Variants in CD200 observed in about 807,000 individuals in gnomAD.
CD200 encodes the protein CD200 molecule.
In CD200, 15 loss-of-function variants were observed where a neutral mutation model predicts 30.9. The ratio of observed to expected loss-of-function variants is 0.49; its 90% CI spans 0.32 to 0.75. The LOEUF is 0.75. Among genes scored for constraint, CD200 ranks in the 30% least tolerant of loss-of-function variants. The pLI, the probability that CD200 is intolerant of heterozygous loss-of-function variation, is 0.03. For missense variants in CD200, 262 were observed against 324.2 expected, an observed-to-expected ratio of 0.81 and a Z score of 1.47; for synonymous variants, 134 against 126.2, an observed-to-expected ratio of 1.06 and a Z score of -0.41.
intron 1 of CD200, chr3:112,335,714 TGTGATGGAGATA>T: frequency 3.9e-6 from 2 of 511,932 alleles, no homozygotes; most frequent in Non-Finnish European, 7.1e-6. Context: ...TCAGGAATAC[TGTGATGGAGATA>T]GTGATGGAGA....
intron 5 of CD200, among the ~76,000 whole-genome samples, chr3:112,357,127 G>A (rs1190735467): frequency 6.6e-6 from 1 of 152,034 alleles, no homozygotes; most frequent in African/African-American, 2.4e-5. Flanking sequence ...CGGGCGTGAT[G>A]GTGGGCGCCT....
At chr3:112,336,162 A>G (rs2081111015) in intron 1 of CD200, 1 of 637,736 alleles carries the variant, frequency 1.6e-6, no homozygotes, top group Non-Finnish European at 2.8e-6. Flanking sequence ...AATTTCCCTC[A>G]TTAAGTTTAG....
chr3:112,336,332 T>C lies in CD200; in HGVS notation c.12+3108T>C, dbSNP rs564891585. Reference sequence around the variant, plus strand: ...GGTAAAGGAGGAGAGATTTAGATCCTTGAGAACTCCATTCCCGACCCGCTG... The same window carrying C: ...GGTAAAGGAGGAGAGATTTAGATCCCTGAGAACTCCATTCCCGACCCGCTG... On this transcript the variant is annotated intron_variant, in intron 1 of 5. Transcript: ENST00000315711. Among the ~76,000 whole-genome samples, 32 of 151,990 alleles carry C rather than the reference T, an allele frequency of 2.1e-4. No individual in the cohort carries two copies. The East Asian group carries it at 2.3e-3, about 11-fold the overall frequency.
upstream of CD200, chr3:112,332,824 C>A: frequency 5.0e-6 from 1 of 199,676 alleles, no homozygotes; most frequent in Non-Finnish European, 1.0e-5. Context: ...GAATCCTTTG[C>A]CACTACATCA....
chr3:112,356,004 C>CAAAA (rs2081617669), intron 5 of CD200, among the ~76,000 whole-genome samples: 3 of 152,094 alleles, frequency 2.0e-5, no homozygotes, highest in Non-Finnish European at 2.9e-5. Flanking sequence ...TACAAACATG[C>CAAAA]AAGACATGTT....
Position 112,333,172 on chromosome 3 carries a change from A to G in CD200, c.-41A>G, listed in dbSNP as rs942327176. 3 of 1,548,632 alleles carry G rather than the reference A, an allele frequency of 1.9e-6. No individual in the cohort carries two copies. The highest frequency in any genetic ancestry group is 1.7e-6 in the Non-Finnish European group (2 of 1,146,614). ...CTGCCTAGCAGAGCTCCAGGCGCACATCCGCAGTCAGCCACCTCGCGCGCG... is the reference window on the plus strand; with the variant it reads ...CTGCCTAGCAGAGCTCCAGGCGCACGTCCGCAGTCAGCCACCTCGCGCGCG... On this transcript the variant is annotated 5_prime_UTR_variant, in exon 1 of 6. Coordinates refer to ENST00000315711, the MANE Select transcript of CD200 (RefSeq NM_005944.7).
chr3:112,336,349 G>A (rs889837029), intron 1 of CD200, among the ~76,000 whole-genome samples: 3 of 151,720 alleles, frequency 2.0e-5, no homozygotes, highest in African/African-American at 4.8e-5. Flanking sequence ...CTCCATTCCC[G>A]ACCCGCTGCT....
intron 2 of CD200, among the ~76,000 whole-genome samples, chr3:112,343,312 T>C (rs1159357692): frequency 1.3e-5 from 2 of 152,010 alleles, no homozygotes; most frequent in Non-Finnish European, 2.9e-5. Flanking sequence ...TTTCAAATTT[T>C]CTTTTCTTTG....
At chr3:112,338,072 C>G (rs2081158378) in intron 1 of CD200, among the ~76,000 whole-genome samples, 1 of 151,976 alleles carries the variant, frequency 6.6e-6, no homozygotes, top group African/African-American at 2.4e-5. Context: ...GATACAGAAC[C>G]AACAGATACG....
At chr3:112,347,477 T>G (rs2081424854) in intron 3 of CD200, 81 bp from the exon 4 acceptor site, 3 of 1,342,140 alleles carry the variant, frequency 2.2e-6, no homozygotes, top group Non-Finnish European at 3.2e-6. Context: ...ATAAGCATAT[T>G]TCCTTCATCT....
intron 3 of CD200, among the ~76,000 whole-genome samples, chr3:112,345,540 TG>T (rs1304210710): frequency 6.6e-6 from 1 of 152,192 alleles, no homozygotes; most frequent in African/African-American, 2.4e-5. Flanking sequence ...AGGACAATGG[TG>T]AGGGCAACAA....
rs150103287 is a variant in CD200, at chr3:112,353,736, T to A, written c.802+3917T>A. ...CCTTTGCTTTGCTCAGAAAGCACTT[T>A]TGCTTCCCGTACAAAGGCTGTATGA... On this transcript the variant is annotated intron_variant, in intron 5 of 5. Transcript: ENST00000315711. 3.9e-5 allele frequency among the ~76,000 whole-genome samples: 6 copies of A among 152,270 alleles called. No individual in the cohort carries two copies. In the East Asian group the frequency reaches 1.2e-3, roughly 29 times the overall value.
chr3:112,345,366 A>G, intron 3 of CD200, 78 bp downstream of exon 3: 1 of 1,172,282 alleles, frequency 8.5e-7, no homozygotes, highest in Non-Finnish European at 1.2e-6. Context: ...CGTAGTGCCC[A>G]GTTTTTCAGG....
intron 2 of CD200, among the ~76,000 whole-genome samples, chr3:112,342,703 G>A (rs141281614): frequency 0.012 from 1,764 of 152,128 alleles, 40 homozygotes; most frequent in African/African-American, 0.039. Context: ...GATTACAGGC[G>A]TGAGCCACTG....
rs1364426479 is a variant in CD200 at position 112,362,667 on chromosome 3, GC to G, written c.*1119del. The G allele has an allele frequency of 1.3e-5, 2 of 152,380 alleles. No individual in the cohort carries two copies. The highest frequency in any genetic ancestry group is 4.8e-5 in the African/African-American group (2 of 41,352). The allele number at this position is 152,380 out of a possible 1,614,324, so 9.4% of individuals were successfully genotyped here. ...CTGCTTTGTCTGTGTCTATCCAGTG[GC>G]CTAGGAATTAAAGTGTAAGTTGTTT... On this transcript the variant is annotated 3_prime_UTR_variant, in exon 6 of 6. Coordinates refer to ENST00000315711, the MANE Select transcript of CD200 (RefSeq NM_005944.7).
intron 1 of CD200, among the ~76,000 whole-genome samples, chr3:112,336,403 C>T (rs1299697690): frequency 6.6e-6 from 1 of 151,706 alleles, no homozygotes; most frequent in Non-Finnish European, 1.5e-5. Flanking sequence ...AATAAAAATC[C>T]CAGAGAAATT....
At chr3:112,342,341 C>A (rs1460089414) in intron 2 of CD200, among the ~76,000 whole-genome samples, 1 of 45,456 alleles carries the variant, frequency 2.2e-5, no homozygotes, top group African/African-American at 8.5e-5. Context: ...TTCTTTCCTT[C>A]TTTCTTTCTT....
At position 112,349,718 on chromosome 3, in the gene CD200, G is replaced by T. The variant is rs79148948; in HGVS notation, c.701G>T (p.Trp234Leu). 1 of 1,610,900 alleles carries T rather than the reference G, an allele frequency of 6.2e-7. No homozygotes were observed. The highest frequency in any genetic ancestry group is 2.2e-5 in the East Asian group (1 of 44,774). Residue 234 changes from tryptophan to leucine, a missense_variant, in exon 5 of 6, where the codon TGG (tryptophan) becomes TTG (leucine). Trp to Leu is a moderately conservative substitution (Grantham distance 61). Coordinates refer to ENST00000315711, the MANE Select transcript of CD200 (RefSeq NM_005944.7). ...DFKQTVNKGY[W>L]FSVPLLLSIV... Reference sequence around the variant, plus strand: ...CTTTCTTCAATATCTATAGGCTATTGGTTTTCAGTTCCGCTATTGCTAAGC... The same window carrying T: ...CTTTCTTCAATATCTATAGGCTATTTGTTTTCAGTTCCGCTATTGCTAAGC...
At chr3:112,335,514 C>A (rs919081469) in intron 1 of CD200, among the ~76,000 whole-genome samples, 2 of 152,184 alleles carry the variant, frequency 1.3e-5, no homozygotes, top group Admixed American at 6.5e-5. Context: ...AAGGAAAAAG[C>A]AACTTACATC....
Sources: allele counts gnomAD v4.1 joint callset (sites outside exome capture counted in the v4.1 genomes callset), GRCh38; gene constraint gnomAD v4.1.1; transcripts MANE v1.5; gene names NCBI Gene and HGNC (gene_info 2026-07-23, HGNC 2026-07-21).